XXYLT1: variants seen among roughly 807,000 people sequenced by gnomAD.
XXYLT1 encodes xyloside xylosyltransferase 1.
A neutral mutation model predicts 28.9 loss-of-function variants in XXYLT1; 20 were observed. The observed-to-expected ratio is 0.69, with a 90% CI of 0.49 to 1.00. The LOEUF (loss-of-function observed/expected upper bound fraction) is 1.00. Ranked by LOEUF, XXYLT1 falls within the 50% of genes least tolerant of loss-of-function variation. XXYLT1 has a pLI of 0.00. For synonymous variants in XXYLT1, 257 were observed against 253.8 expected, an observed-to-expected ratio of 1.01 and a Z score of -0.12; for missense variants, 542 against 560.1, an observed-to-expected ratio of 0.97 and a Z score of 0.33.
At chr3:195,189,545 T>C (rs542747473) in intron 2 of XXYLT1, among the ~76,000 whole-genome samples, 2 of 152,216 alleles carry the variant, frequency 1.3e-5, no homozygotes, top group African/African-American at 4.8e-5. Context: ...AGACAAATGC[T>C]AGAGTTAGTT....
chr3:195,136,829 T>A (rs770418505), intron 3 of XXYLT1, among the ~76,000 whole-genome samples: 1 of 151,864 alleles, frequency 6.6e-6, no homozygotes, highest in Non-Finnish European at 1.5e-5. Flanking sequence ...AATAAATAAA[T>A]AAATAAAAAC....
Position 195,181,262 on chromosome 3 carries a change from T to TCTGCGTGG in XXYLT1, c.653-24689_653-24682dup, listed in dbSNP as rs879504798. Among the ~76,000 whole-genome samples, 401 of 120,316 alleles carry TCTGCGTGG rather than the reference T, an allele frequency of 3.3e-3. 1 individual carries two copies. The highest frequency in any genetic ancestry group is 4.9e-3 in the Middle Eastern group (1 of 204). 78.9% of individuals were successfully genotyped at this position (120,316 alleles called of 152,430 possible). ...TCTCCCTTTTCACACTGGCTGTGTA[T>TCTGCGTGG]CTGCGTGGCTGCGTGGCTGCGTGGC... is the stretch of plus-strand genomic sequence containing the variant. On this transcript the variant is annotated intron_variant, in intron 2 of 3. Transcript: ENST00000310380.
chr3:195,113,768 G>C (rs1407635592), intron 3 of XXYLT1, among the ~76,000 whole-genome samples: 1 of 151,614 alleles, frequency 6.6e-6, no homozygotes, highest in Non-Finnish European at 1.5e-5. Flanking sequence ...AAAGGGGTGT[G>C]GCCAGGAGAA....
At chr3:195,198,672 C>T (rs1045385154) in intron 2 of XXYLT1, among the ~76,000 whole-genome samples, 4 of 152,074 alleles carry the variant, frequency 2.6e-5, no homozygotes, top group Non-Finnish European at 4.4e-5. Flanking sequence ...GCATTCAAAC[C>T]CAGGCAGTGT....
At position 195,226,811 on chromosome 3, in the gene XXYLT1, T is replaced by C. The variant is rs1724075871; in HGVS notation, c.550A>G (p.Ile184Val). 1.2e-6 allele frequency: 2 copies of C among 1,613,000 alleles called. No individual in the cohort carries two copies. The highest frequency in any genetic ancestry group is 1.7e-6 in the Non-Finnish European group (2 of 1,179,902). The change falls in exon 2 of 4, where the codon ATC becomes GTC. Residue 184 changes from isoleucine (I) to valine (V), a missense_variant. By Grantham distance (29) the Ile-to-Val change is conservative. Transcript: ENST00000310380. Reference sequence around the variant, plus strand: ...AAGTGCTTCTGCATGGCCTCCACGATGGGGAAGAGCTTATCCGTCAGCACA... The same window carrying C: ...AAGTGCTTCTGCATGGCCTCCACGACGGGGAAGAGCTTATCCGTCAGCACA... ...VAVLTDKLFP[I>V]VEAMQKHFSA... is the part of the protein sequence containing the mutation.
chr3:195,112,835 A>ACG (rs1717846280), intron 3 of XXYLT1, among the ~76,000 whole-genome samples: 1 of 149,800 alleles, frequency 6.7e-6, no homozygotes, highest in South Asian at 2.1e-4. Flanking sequence ...CAGCGCACAC[A>ACG]CGCACACACA....
intron 2 of XXYLT1, among the ~76,000 whole-genome samples, chr3:195,208,343 T>C (rs1021728033): frequency 3.9e-5 from 6 of 152,290 alleles, no homozygotes; most frequent in African/African-American, 1.4e-4. Context: ...CAGCATCCAG[T>C]CTCGGTGTCA....
intron 3 of XXYLT1, among the ~76,000 whole-genome samples, chr3:195,086,375 G>A (rs939476969): frequency 9.9e-5 from 15 of 152,208 alleles, no homozygotes; most frequent in African/African-American, 3.6e-4. Flanking sequence ...CAGGTCTGGC[G>A]TCTCGGCCGC....
chr3:195,110,362 CGTGCGTGTGTGCTGT>C (rs1560100926), intron 3 of XXYLT1, among the ~76,000 whole-genome samples: 6 of 3,816 alleles, frequency 1.6e-3, no homozygotes, highest in East Asian at 0.013. Context: ...GGTGTATGTG[CGTGCGTGTGTGCTGT>C]ATAAGTGTGT....
rs145838451 is a variant in XXYLT1, at chr3:195,110,121, GGTGT to G, written c.786-40014_786-40011del. On this transcript the variant is annotated intron_variant, in intron 3 of 3. Coordinates refer to ENST00000310380, the MANE Select transcript of XXYLT1 (RefSeq NM_152531.5). ...GTGTGTGGTGTATGTGTGCATGTGT[GGTGT>G]GTGTGTGTGTGGTGTGTGTGGTGTC... Among the ~76,000 whole-genome samples the G allele has an allele frequency of 4.8e-4, 26 of 54,736 alleles. 6 individuals are homozygous for G. The highest frequency in any genetic ancestry group is 1.2e-3 in the African/African-American group (20 of 16,706). The allele number at this position is 54,736 out of a possible 152,430, so 35.9% of individuals were successfully genotyped here.
In XXYLT1 at chr3:195,270,985, C is replaced by T. The variant is rs767203236; in HGVS notation, c.74G>A (p.Cys25Tyr). 8.0e-5 allele frequency: 119 copies of T among 1,483,676 alleles called. No homozygotes were observed. Among genetic ancestry groups the T allele is most frequent in the Middle Eastern group, 2.3e-4 (1 of 4,298 alleles). The allele number at this position is 1,483,676 out of a possible 1,614,324, so 91.9% of individuals were successfully genotyped here. A position where few individuals can be genotyped will look rare whatever the true frequency, so the allele number is the denominator to read the frequency against. ...ARLGAVRSHY[C>Y]ALLLAAALAV... ...CAGCGCCGCGGCCAGCAGCAGGGCG[C>T]AGTAGTGGGAGCGCACAGCGCCCAG... The change falls in exon 1 of 4, where the codon TGC becomes TAC. Residue 25 changes from cysteine to tyrosine, a missense_variant. Transcript: ENST00000310380.
At chr3:195,211,101 G>C (rs916810843) in intron 2 of XXYLT1, among the ~76,000 whole-genome samples, 3 of 152,198 alleles carry the variant, frequency 2.0e-5, no homozygotes. Context: ...TTCAGAAAAA[G>C]GGCAAAGGCA....
chr3:195,110,427 G>A (rs1463818287), intron 3 of XXYLT1, among the ~76,000 whole-genome samples: 4 of 139,300 alleles, frequency 2.9e-5, no homozygotes, highest in African/African-American at 1.1e-4. Context: ...TGTGGTGTAT[G>A]TGTGCGTGTG....
intron 3 of XXYLT1, among the ~76,000 whole-genome samples, chr3:195,071,743 T>C (rs187282313): frequency 2.0e-5 from 3 of 152,204 alleles, no homozygotes; most frequent in African/African-American, 4.8e-5. Flanking sequence ...AGTGGTTCAT[T>C]TCAGGACCAG....
chr3:195,099,617 T>A (rs1577024259), intron 3 of XXYLT1, among the ~76,000 whole-genome samples: 1 of 151,838 alleles, frequency 6.6e-6, no homozygotes, highest in Non-Finnish European at 1.5e-5. Context: ...GATTACGAGG[T>A]CAGAAGATCA....
chr3:195,072,304 C>T (rs114484381), intron 3 of XXYLT1, among the ~76,000 whole-genome samples: 1,990 of 152,246 alleles, frequency 0.013, 37 homozygotes, highest in African/African-American at 0.045. Context: ...AGCAGGAACC[C>T]GGAGAGGCTC....
intron 2 of XXYLT1, among the ~76,000 whole-genome samples, chr3:195,162,619 CCAAA>C (rs1283084364): frequency 6.6e-6 from 1 of 152,176 alleles, no homozygotes; most frequent in African/African-American, 2.4e-5. Context: ...GTTTTGTGGA[CCAAA>C]CAAATTATCA....
chr3:195,150,059 A>G lies in XXYLT1; in HGVS notation c.785+6390T>C, dbSNP rs912641271. Among the ~76,000 whole-genome samples, 1 of 152,218 alleles carries G rather than the reference A, an allele frequency of 6.6e-6. No individual in the cohort carries two copies. The highest frequency in any genetic ancestry group is 2.4e-5 in the African/African-American group (1 of 41,440). On this transcript the variant is annotated intron_variant, in intron 3 of 3. Transcript: ENST00000310380. This position sits in a 1 kb window ranked among gnomAD's most constrained non-coding sequence, Gnocchi z 4.7. ...AAGTTGTCAGCAGCCCCAACCGTAC[A>G]TATAAGGAAACTGAGGCTGAGGTTA...
At chr3:195,070,164 G>A (rs191092147) in intron 3 of XXYLT1, 53 bp from the exon 4 acceptor site, 15 of 1,499,838 alleles carry the variant, frequency 1.0e-5, no homozygotes, top group African/African-American at 2.8e-5. Context: ...CCAGCCTGCC[G>A]GCCTGCTGCC....
Sources: gnomAD v4.1 joint callset for allele counts (sites outside exome capture counted in the v4.1 genomes callset) on GRCh38, gnomAD v4.1.1 for gene constraint, Gnocchi (gnomAD v3.1) non-coding constraint, MANE v1.5 for transcripts, NCBI Gene and HGNC (gene_info 2026-07-23, HGNC 2026-07-21) for gene names.